Variants in ZNF346 observed in about 807,000 individuals in gnomAD.
The protein encoded by ZNF346 is zinc finger protein 346.
In ZNF346, 23 loss-of-function variants were observed where a neutral mutation model predicts 33.7. The observed-to-expected ratio is 0.68, with a 90% CI of 0.49 to 0.97. ZNF346 has a LOEUF of 0.97. Among genes scored for constraint, ZNF346 ranks in the 50% least tolerant of loss-of-function variants. The probability of loss-of-function intolerance (pLI) is 0.00; values close to 1 mark genes in which losing one functional copy is unlikely to be tolerated. For synonymous variants in ZNF346, 134 were observed against 142.4 expected, an observed-to-expected ratio of 0.94 and a Z score of 0.42; for missense variants, 340 against 371.1, an observed-to-expected ratio of 0.92 and a Z score of 0.69.
chr5:177,031,149 C>T (rs1777635854), intron 1 of ZNF346, among the ~76,000 whole-genome samples: 3 of 152,170 alleles, frequency 2.0e-5, no homozygotes, highest in Admixed American at 2.0e-4. Context: ...CATTCTCCTG[C>T]CTCAGCCTCC....
At chr5:177,034,194 C>CCTTT (rs929799879) in intron 1 of ZNF346, among the ~76,000 whole-genome samples, 4 of 136,862 alleles carry the variant, frequency 2.9e-5, no homozygotes, top group Non-Finnish European at 6.0e-5. Context: ...GCTTAAATTT[C>CCTTT]CTTTCTTTCT....
chr5:177,040,429 C>G (rs1453793224), intron 1 of ZNF346, among the ~76,000 whole-genome samples: 1 of 152,164 alleles, frequency 6.6e-6, no homozygotes, highest in African/African-American at 2.4e-5. Flanking sequence ...ACTACAACCT[C>G]TGCCTCCTGG....
intron 1 of ZNF346, among the ~76,000 whole-genome samples, chr5:177,025,808 C>A (rs1776678406): frequency 6.6e-6 from 1 of 152,090 alleles, no homozygotes; most frequent in African/African-American, 2.4e-5. Flanking sequence ...GTATTTCCCC[C>A]TGACTGTGAC....
intron 1 of ZNF346, among the ~76,000 whole-genome samples, chr5:177,023,869 C>T (rs1776277162): frequency 1.3e-5 from 2 of 151,780 alleles, no homozygotes; most frequent in African/African-American, 4.8e-5. Context: ...GAACTGACTG[C>T]CCTGGATAAA....
At chr5:177,069,394 A>C (rs1783392710), downstream of ZNF346, among the ~76,000 whole-genome samples, 1 of 151,106 alleles carries the variant, frequency 6.6e-6, no homozygotes, top group Non-Finnish European at 1.5e-5. Flanking sequence ...GGAGGTTGCA[A>C]GTGAGCTGAG....
intron 4 of ZNF346, among the ~76,000 whole-genome samples, chr5:177,050,531 A>T (rs532259621): frequency 6.6e-6 from 1 of 152,030 alleles, no homozygotes; most frequent in Admixed American, 6.6e-5. Context: ...GGCTCCCTCA[A>T]ATCTTCCCAG....
At chr5:177,042,737 C>G (rs1306893952) in intron 3 of ZNF346, among the ~76,000 whole-genome samples, 1 of 152,134 alleles carries the variant, frequency 6.6e-6, no homozygotes, top group Non-Finnish European at 1.5e-5. Context: ...ATTTCTCTAT[C>G]TGTCTATTTG....
At chr5:177,073,027 G>A (rs1783579014) in intron 8 of ZNF346, among the ~76,000 whole-genome samples, 1 of 152,230 alleles carries the variant, frequency 6.6e-6, no homozygotes, top group Non-Finnish European at 1.5e-5. Flanking sequence ...CCAAGGCCAA[G>A]TTGGCTGCCC....
At chr5:177,063,976 C>A (rs1308652422) in intron 6 of ZNF346, among the ~76,000 whole-genome samples, 2 of 152,158 alleles carry the variant, frequency 1.3e-5, no homozygotes, top group African/African-American at 2.4e-5. Context: ...CATTAAATTT[C>A]TCAACAAAAG....
chr5:177,034,531 A>C (rs1329669767), intron 1 of ZNF346, among the ~76,000 whole-genome samples: 3 of 151,918 alleles, frequency 2.0e-5, no homozygotes, highest in Non-Finnish European at 4.4e-5. Context: ...CCAACCCTTA[A>C]ATTTGTTAAG....
At chr5:177,028,707 CTTT>C (rs56172509) in intron 1 of ZNF346, among the ~76,000 whole-genome samples, 10,305 of 67,862 alleles carry the variant, frequency 0.15, 1,399 homozygotes, top group African/African-American at 0.38. Flanking sequence ...AAGCCCCTTT[CTTT>C]TTTTTTTTTT....
intron 5 of ZNF346, among the ~76,000 whole-genome samples, chr5:177,057,007 C>T (rs1360960779): frequency 3.9e-5 from 6 of 152,132 alleles, no homozygotes; most frequent in Admixed American, 1.3e-4. Context: ...CATAGAGGAA[C>T]GTATTATAGA....
intron 5 of ZNF346, among the ~76,000 whole-genome samples, chr5:177,059,963 T>C (rs917905448): frequency 3.3e-5 from 5 of 152,030 alleles, no homozygotes; most frequent in African/African-American, 9.7e-5. Flanking sequence ...GGAGATAAGA[T>C]GGGGGAGCAG....
At chr5:177,050,989 C>CT (rs2149667552) in intron 5 of ZNF346, 53 bp downstream of exon 5, 1 of 1,410,098 alleles carries the variant, frequency 7.1e-7, no homozygotes, top group African/African-American at 1.4e-5. Flanking sequence ...GCCACTGGGG[C>CT]TACCCGGACC....
intron 5 of ZNF346, among the ~76,000 whole-genome samples, chr5:177,057,835 T>TTG (rs1781940549): frequency 6.6e-6 from 1 of 150,520 alleles, no homozygotes; most frequent in African/African-American, 2.4e-5. Flanking sequence ...TTTATTTATT[T>TTG]ATTGAGACAG....
At chr5:177,056,754 C>T (rs1781737371) in intron 5 of ZNF346, among the ~76,000 whole-genome samples, 1 of 130,942 alleles carries the variant, frequency 7.6e-6, no homozygotes, top group Non-Finnish European at 1.6e-5. Context: ...ATCACACACC[C>T]AGGCCTGTCA....
chr5:177,060,654 A>G (rs967579442), intron 5 of ZNF346, among the ~76,000 whole-genome samples: 7 of 152,180 alleles, frequency 4.6e-5, no homozygotes, highest in Admixed American at 4.6e-4. Flanking sequence ...TGTACTAAAA[A>G]TAGAAAAATT....
intron 1 of ZNF346, among the ~76,000 whole-genome samples, chr5:177,034,369 G>T (rs1222393002): frequency 4.6e-5 from 7 of 151,886 alleles, no homozygotes; most frequent in Non-Finnish European, 8.8e-5. Flanking sequence ...GACTGTAGGT[G>T]TGCACCACGA....
downstream of ZNF346, among the ~76,000 whole-genome samples, chr5:177,072,487 A>T (rs1021440187): frequency 3.3e-5 from 5 of 152,108 alleles, no homozygotes; most frequent in Admixed American, 1.3e-4. Context: ...GACCCGACTG[A>T]GTAATCACAG....
Sources: allele counts gnomAD v4.1 joint callset (sites outside exome capture counted in the v4.1 genomes callset), GRCh38; gene constraint gnomAD v4.1.1; transcripts MANE v1.5; gene names NCBI Gene and HGNC (gene_info 2026-07-23, HGNC 2026-07-21).